Variants in GNAQ observed in about 807,000 individuals in gnomAD.
GNAQ encodes G protein subunit alpha q, also known as guanine nucleotide-binding protein G(q) subunit alpha.
GNAQ carries 8 observed loss-of-function variants against 43.9 expected under a neutral mutation model. The ratio of observed to expected loss-of-function variants is 0.18; its 90% confidence interval spans 0.11 to 0.33. The LOEUF (loss-of-function observed/expected upper bound fraction) is 0.33. Ranked by LOEUF, GNAQ falls within the 10% of genes least tolerant of loss-of-function variation. GNAQ has a pLI of 1.00. For missense variants in GNAQ, 158 were observed against 450.8 expected, an observed-to-expected ratio of 0.35 and a Z score of 5.88; for synonymous variants, 155 against 170.7, an observed-to-expected ratio of 0.91 and a Z score of 0.71.
chr9:78,027,666 G>A (rs548427479), intron 1 of GNAQ, among the ~76,000 whole-genome samples: 29 of 151,096 alleles, frequency 1.9e-4, no homozygotes, highest in African/African-American at 5.8e-4. Flanking sequence ...CAGGAGAATC[G>A]CTTGTACCTG....
At chr9:77,754,200 CT>C (rs1469956428) in intron 5 of GNAQ, among the ~76,000 whole-genome samples, 1 of 152,132 alleles carries the variant, frequency 6.6e-6, no homozygotes, top group East Asian at 1.9e-4. Context: ...GGTTTGGTGC[CT>C]TTTGTTTCTG....
chr9:77,897,031 A>G (rs1392930787), intron 2 of GNAQ, among the ~76,000 whole-genome samples: 1 of 152,226 alleles, frequency 6.6e-6, no homozygotes, highest in Non-Finnish European at 1.5e-5. Flanking sequence ...AAAGGGAAAC[A>G]CACTTAAGTC....
chr9:77,792,324 A>G (rs1219888922), intron 5 of GNAQ, among the ~76,000 whole-genome samples: 1 of 152,186 alleles, frequency 6.6e-6, no homozygotes, highest in Admixed American at 6.5e-5. Context: ...ATTTAAAAGT[A>G]GCATAAGACA....
chr9:77,891,795 T>C (rs957864787), intron 2 of GNAQ, among the ~76,000 whole-genome samples: 4 of 152,248 alleles, frequency 2.6e-5, no homozygotes, highest in Non-Finnish European at 5.9e-5. Context: ...TCTTCCAGTG[T>C]GATTTCATTA....
intron 5 of GNAQ, among the ~76,000 whole-genome samples, chr9:77,790,037 TGAGGAAA>T (rs1477152769): frequency 2.6e-5 from 4 of 152,008 alleles, no homozygotes; most frequent in Non-Finnish European, 4.4e-5. Context: ...AACAAAGTAA[TGAGGAAA>T]GAGGAAAGAG....
chr9:78,021,991 A>G (rs1321099441), intron 1 of GNAQ, among the ~76,000 whole-genome samples: 1 of 152,148 alleles, frequency 6.6e-6, no homozygotes, highest in Non-Finnish European at 1.5e-5. Context: ...GGTTTCTGAT[A>G]CCATTTCTTG....
chr9:77,823,978 C>T (rs1248671603), intron 2 of GNAQ, among the ~76,000 whole-genome samples: 2 of 152,080 alleles, frequency 1.3e-5, no homozygotes, highest in Admixed American at 6.6e-5. Flanking sequence ...TAAAATCTTC[C>T]TAAAATATAA....
chr9:77,761,090 G>T (rs1485848963), intron 5 of GNAQ, among the ~76,000 whole-genome samples: 1 of 151,302 alleles, frequency 6.6e-6, no homozygotes, highest in Non-Finnish European at 1.5e-5. Flanking sequence ...TCTCTGCCCG[G>T]CAGCCGCCCT....
At chr9:77,912,399 A>C (rs1431048390) in intron 2 of GNAQ, among the ~76,000 whole-genome samples, 2 of 152,200 alleles carry the variant, frequency 1.3e-5, no homozygotes, top group African/African-American at 4.8e-5. Flanking sequence ...TCTATAATCC[A>C]CCTGAAATGG....
intron 2 of GNAQ, among the ~76,000 whole-genome samples, chr9:77,893,022 C>A (rs1172741411): frequency 1.3e-5 from 2 of 152,138 alleles, no homozygotes; most frequent in Admixed American, 6.5e-5. Context: ...TAAGGGTAAA[C>A]TGCCCACTTT....
chr9:77,989,593 T>C (rs1823483970), intron 1 of GNAQ, among the ~76,000 whole-genome samples: 1 of 152,220 alleles, frequency 6.6e-6, no homozygotes, highest in African/African-American at 2.4e-5. Context: ...TGCATATGGC[T>C]GTGGAGCTGG....
chr9:77,947,595 A>G (rs980757762), intron 1 of GNAQ, among the ~76,000 whole-genome samples: 1 of 152,200 alleles, frequency 6.6e-6, no homozygotes, highest in African/African-American at 2.4e-5. Context: ...AAGGGCAGCT[A>G]TTACCCATAC....
intron 5 of GNAQ, among the ~76,000 whole-genome samples, chr9:77,763,137 CAAACAAAAA>C (rs1477403005): frequency 7.9e-6 from 1 of 126,426 alleles, no homozygotes; most frequent in African/African-American, 3.2e-5. Context: ...AACAAACAAA[CAAACAAAAA>C]AAAAAAAAAC....
In GNAQ at chr9:78,008,608, TCA is replaced by T. The variant is rs1301521857; in HGVS notation, c.136+22490_136+22491del. 8.3e-3 allele frequency among the ~76,000 whole-genome samples: 1,220 copies of T among 146,284 alleles called. 14 individuals carry two copies. Among genetic ancestry groups the T allele is most frequent in the African/African-American group, 0.032 (1,151 of 36,020 alleles). On this transcript the variant is annotated intron_variant, in intron 1 of 6. Transcript: ENST00000286548. The stretch of plus-strand genomic sequence containing the variant: ...TCATTTCATTTCATTTCATTTCATT[TCA>T]TTTCATTTCATTTTATTTTATTTTT...
intron 1 of GNAQ, among the ~76,000 whole-genome samples, chr9:77,926,482 T>C (rs1033965659): frequency 9.2e-5 from 14 of 152,166 alleles, no homozygotes; most frequent in African/African-American, 3.1e-4. Flanking sequence ...TTTCACAGCA[T>C]AGGGCAATGA....
At chr9:78,007,433 C>G (rs555447677) in intron 1 of GNAQ, among the ~76,000 whole-genome samples, 20 of 145,916 alleles carry the variant, frequency 1.4e-4, no homozygotes, top group Non-Finnish European at 2.7e-4. Flanking sequence ...CACTAGAAAA[C>G]AAGGAAGAAA....
At chr9:77,911,778 A>G (rs952065413) in intron 2 of GNAQ, among the ~76,000 whole-genome samples, 3 of 152,194 alleles carry the variant, frequency 2.0e-5, no homozygotes, top group Non-Finnish European at 4.4e-5. Context: ...GTCCAGCTCC[A>G]ACTCTTGTTA....
chr9:77,759,965 G>T (rs1453049628), intron 5 of GNAQ, among the ~76,000 whole-genome samples: 3 of 120,350 alleles, frequency 2.5e-5, no homozygotes, highest in Admixed American at 9.3e-5. Context: ...TTGCTATGTT[G>T]CCCAGGCTGG....
intron 2 of GNAQ, among the ~76,000 whole-genome samples, chr9:77,819,002 C>CAAAAAAAAA (rs10547681): frequency 2.2e-5 from 1 of 45,286 alleles, no homozygotes; most frequent in African/African-American, 1.1e-4. Context: ...ACCATCTCTC[C>CAAAAAAAAA]AAAAAAAAAA....
Sources: allele counts gnomAD v4.1 joint callset (sites outside exome capture counted in the v4.1 genomes callset), GRCh38; gene constraint gnomAD v4.1.1; transcripts MANE v1.5; gene names NCBI Gene and HGNC (gene_info 2026-07-23, HGNC 2026-07-21).